TLN2: variants seen among roughly 807,000 people sequenced by gnomAD.
The protein encoded by TLN2 is talin 2.
In TLN2, 118 loss-of-function variants were observed where a neutral mutation model predicts 294.7. The ratio of observed to expected loss-of-function variants is 0.40; its 90% CI spans 0.34 to 0.47. The LOEUF (loss-of-function observed/expected upper bound fraction) is 0.47, where lower values mean the gene tolerates loss of function less well. TLN2 is among the 20% of genes least tolerant of loss of function. The probability of loss-of-function intolerance (pLI) is 0.84; values close to 1 mark genes in which losing one functional copy is unlikely to be tolerated. For synonymous variants in TLN2, 1,431 were observed against 1,304.5 expected (o/e 1.10, Z -2.09); for missense variants, 3,083 against 3,282.2 (o/e 0.94, Z 1.48).
chr15:62,460,045 G>T (rs551044954), intron 1 of TLN2, among the ~76,000 whole-genome samples: 2 of 152,232 alleles, frequency 1.3e-5, no homozygotes, highest in African/African-American at 4.8e-5. Flanking sequence ...GCAGAGTTGC[G>T]GCTTCAGATG....
Position 62,525,062 on chromosome 15 carries a change from C to T in TLN2, c.-237-64625C>T, listed in dbSNP as rs1331951098. Among the ~76,000 whole-genome samples, 3 of 152,196 alleles carry T rather than the reference C, an allele frequency of 2.0e-5. No homozygotes were observed. The East Asian group carries it at 5.8e-4, about 29-fold the overall frequency. ...GCATGTGAATTCATTTCACAACCTC[C>T]TTTTGTGAACACTATTGCAGTCCAA... On this transcript the variant is annotated intron_variant, in intron 1 of 58. Coordinates refer to ENST00000636159, the MANE Select transcript of TLN2 (RefSeq NM_015059.3).
At chr15:62,669,535 T>C (rs1248414844) in intron 9 of TLN2, among the ~76,000 whole-genome samples, 1 of 152,130 alleles carries the variant, frequency 6.6e-6, no homozygotes, top group Non-Finnish European at 1.5e-5. Context: ...AATGCACAGT[T>C]TGTAGATGGC....
chr15:62,813,630 G>T (rs2066864668), intron 52 of TLN2, among the ~76,000 whole-genome samples: 1 of 152,138 alleles, frequency 6.6e-6, no homozygotes, highest in Admixed American at 6.5e-5. Flanking sequence ...CCAAGATTAG[G>T]ATCACGGTAA....
chr15:62,652,517 G>A (rs2052706547), intron 6 of TLN2, among the ~76,000 whole-genome samples: 1 of 152,094 alleles, frequency 6.6e-6, no homozygotes, highest in African/African-American at 2.4e-5. Context: ...TGTGGCTTCT[G>A]TTAGTCTCCC....
intron 1 of TLN2, among the ~76,000 whole-genome samples, chr15:62,518,580 C>T (rs190271032): frequency 6.6e-6 from 1 of 152,116 alleles, no homozygotes; most frequent in East Asian, 1.9e-4. Flanking sequence ...CGGTGGAGAG[C>T]CGTGACCTGC....
intron 45 of TLN2, among the ~76,000 whole-genome samples, chr15:62,788,311 C>CA (rs572149089): frequency 1.5e-3 from 226 of 151,708 alleles, no homozygotes; most frequent in African/African-American, 5.2e-3. Flanking sequence ...AACTCCATCT[C>CA]AAAAAAAAGA....
chr15:62,824,773 C>A (rs1229903226), intron 54 of TLN2, among the ~76,000 whole-genome samples: 1 of 152,118 alleles, frequency 6.6e-6, no homozygotes. Flanking sequence ...TACATAACAG[C>A]CTTCTTTGGT....
intron 50 of TLN2, among the ~76,000 whole-genome samples, chr15:62,805,391 G>A (rs1239874057): frequency 6.6e-6 from 1 of 152,164 alleles, no homozygotes; most frequent in African/African-American, 2.4e-5. Flanking sequence ...TCCCATGAAT[G>A]TTTAGTGTAG....
intron 32 of TLN2, among the ~76,000 whole-genome samples, chr15:62,747,717 A>G (rs2061692676): frequency 6.6e-6 from 1 of 152,222 alleles, no homozygotes; most frequent in African/African-American, 2.4e-5. Flanking sequence ...AAATTCATGT[A>G]TAGCTTTTGC....
chr15:62,820,119 C>A (rs1412585986), intron 53 of TLN2, among the ~76,000 whole-genome samples: 1 of 152,146 alleles, frequency 6.6e-6, no homozygotes, highest in Admixed American at 6.5e-5. Flanking sequence ...AAGAGAATGG[C>A]AAATTCCTGT....
chr15:62,804,617 T>C (rs941352462), intron 50 of TLN2, among the ~76,000 whole-genome samples: 1 of 152,186 alleles, frequency 6.6e-6, no homozygotes, highest in Admixed American at 6.5e-5. Flanking sequence ...GCGCGTGCCA[T>C]GAGGGCCTCA....
intron 1 of TLN2, among the ~76,000 whole-genome samples, chr15:62,398,374 T>C (rs1269320833): frequency 6.6e-6 from 1 of 152,196 alleles, no homozygotes; most frequent in Non-Finnish European, 1.5e-5. Context: ...GTGACTCAAT[T>C]AAACCTGTTT....
chr15:62,649,290 A>AT (rs200316997), intron 4 of TLN2, among the ~76,000 whole-genome samples: 7,057 of 127,420 alleles, frequency 0.055, 520 homozygotes, highest in African/African-American at 0.19. Context: ...TTTCTGTCGG[A>AT]TTTTTTTTTT....
At chr15:62,482,689 C>CT (rs1170447782) in intron 1 of TLN2, among the ~76,000 whole-genome samples, 11 of 143,994 alleles carry the variant, frequency 7.6e-5, no homozygotes, top group Admixed American at 4.8e-4. Flanking sequence ...AATCTTTAAA[C>CT]TTTTTTTTGC....
At chr15:62,695,944 TC>T (rs775054473) in intron 14 of TLN2, among the ~76,000 whole-genome samples, 1 of 152,270 alleles carries the variant, frequency 6.6e-6, no homozygotes, top group Non-Finnish European at 1.5e-5. Context: ...CACTGTAGCC[TC>T]CTCCACTGCC....
chr15:62,685,100 A>C (rs1032126715), intron 11 of TLN2, among the ~76,000 whole-genome samples: 2 of 151,974 alleles, frequency 1.3e-5, no homozygotes, highest in Non-Finnish European at 2.9e-5. Flanking sequence ...GAAAAGCATG[A>C]AAAAATAATA....
At chr15:62,674,342 G>A (rs746778496) in intron 10 of TLN2, among the ~76,000 whole-genome samples, 1 of 152,044 alleles carries the variant, frequency 6.6e-6, no homozygotes. Flanking sequence ...CACAAACTTT[G>A]CCATGAAACA....
At chr15:62,394,621 A>G (rs1566938835) in intron 1 of TLN2, among the ~76,000 whole-genome samples, 1 of 152,214 alleles carries the variant, frequency 6.6e-6, no homozygotes, top group Non-Finnish European at 1.5e-5. Context: ...CCTAAAGTTC[A>G]AAGAGTTAGG....
chr15:62,684,179 G>A (rs2057098277), intron 11 of TLN2: 1 of 152,260 alleles, frequency 6.6e-6, no homozygotes, highest in Admixed American at 6.5e-5. Flanking sequence ...ATCTTGACAA[G>A]AATTAGGGCA....
Sources: gnomAD v4.1 joint callset for allele counts (sites outside exome capture counted in the v4.1 genomes callset) on GRCh38, gnomAD v4.1.1 for gene constraint, MANE v1.5 for transcripts, NCBI Gene and HGNC (gene_info 2026-07-23, HGNC 2026-07-21) for gene names.